ANKRD11: variants seen among roughly 807,000 people sequenced by gnomAD.
The protein encoded by ANKRD11 is ankyrin repeat domain 11.
Under a neutral mutation model 195.7 loss-of-function variants are expected in ANKRD11, and 17 were observed. The observed-to-expected ratio is 0.09, with a 90% confidence interval of 0.06 to 0.13. The LOEUF is 0.13. Ranked by LOEUF, ANKRD11 falls within the 10% of genes least tolerant of loss-of-function variation. The pLI, the probability that ANKRD11 is intolerant of heterozygous loss-of-function variation, is 1.00. For synonymous variants in ANKRD11, 1,953 were observed against 1,528.1 expected (o/e 1.28, Z -6.49); for missense variants, 3,735 against 3,566.1 (o/e 1.05, Z -1.21).
chr16:89,477,242 G>A (rs1208472694), intron 1 of ANKRD11, among the ~76,000 whole-genome samples: 1 of 151,378 alleles, frequency 6.6e-6, no homozygotes, highest in Admixed American at 6.6e-5. Flanking sequence ...GCCCAAGCTG[G>A]AGTGCAGTGG....
chr16:89,450,250 A>C (rs1209351964), intron 1 of ANKRD11, among the ~76,000 whole-genome samples: 1 of 152,174 alleles, frequency 6.6e-6, no homozygotes, highest in African/African-American at 2.4e-5. Flanking sequence ...GTCTGAAAAT[A>C]TGCCATCAAT....
intron 2 of ANKRD11, among the ~76,000 whole-genome samples, chr16:89,375,372 T>C (rs535608575): frequency 2.0e-5 from 3 of 152,312 alleles, no homozygotes; most frequent in African/African-American, 4.8e-5. Flanking sequence ...ATGGATCGTT[T>C]GAGCCCGGGA....
At position 89,275,080 on chromosome 16, in the gene ANKRD11, C is replaced by G. The variant is rs780818897; in HGVS notation, c.7569+13G>C. 5.6e-6 allele frequency: 9 copies of G among 1,612,660 alleles called. No homozygotes were observed. In the Admixed American group the frequency reaches 1.5e-4, roughly 27 times the overall value. On this transcript the variant is annotated intron_variant, in intron 10 of 12. Coordinates refer to ENST00000301030, the MANE Select transcript of ANKRD11 (RefSeq NM_013275.6). ...TGGCCGTGGCGCCCCCCTGCCTGTG[C>G]CAGCCCACTTACCCGCTCGATGCTG...
At chr16:89,331,985 C>A (rs1402138312) in intron 2 of ANKRD11, among the ~76,000 whole-genome samples, 5 of 151,764 alleles carry the variant, frequency 3.3e-5, no homozygotes, top group African/African-American at 7.3e-5. Flanking sequence ...ACAAAACATT[C>A]AAAAAAAATT....
chr16:89,468,842 T>C (rs1229682412), intron 1 of ANKRD11, among the ~76,000 whole-genome samples: 2 of 152,214 alleles, frequency 1.3e-5, no homozygotes, highest in East Asian at 3.8e-4. Flanking sequence ...TGCCAGCCAA[T>C]GTATCCTACA....
At chr16:89,448,908 C>T (rs180766232) in intron 1 of ANKRD11, among the ~76,000 whole-genome samples, 4 of 152,144 alleles carry the variant, frequency 2.6e-5, no homozygotes, top group African/African-American at 9.7e-5. Context: ...AGCAGTGCCC[C>T]GGACCTGGCA....
chr16:89,448,154 C>G (rs371570930), intron 1 of ANKRD11, among the ~76,000 whole-genome samples: 2 of 151,610 alleles, frequency 1.3e-5, no homozygotes, highest in South Asian at 2.1e-4. Context: ...CTTGCAGACA[C>G]TGGGCACCTT....
At position 89,283,248 on chromosome 16, in the gene ANKRD11, G is replaced by C; in HGVS notation, c.3294C>G (p.Asp1098Glu). ...EKAFPGIISE[D>E]FSEKKDDKKG... ...TCTTGTCATCTTTTTTTTCAGAGAAGTCTTCTGAGATGATCCCAGGGAAAG... is the reference window on the plus strand; with the variant it reads ...TCTTGTCATCTTTTTTTTCAGAGAACTCTTCTGAGATGATCCCAGGGAAAG... The change falls in exon 9 of 13, where the codon GAC becomes GAG. Residue 1098 changes from aspartate (D) to glutamate (E), a missense_variant. Asp to Glu is a conservative substitution (Grantham distance 45, BLOSUM62 2). Coordinates refer to ENST00000301030, the MANE Select transcript of ANKRD11 (RefSeq NM_013275.6). The surrounding 1 kb of genome is among the most constrained non-coding windows in gnomAD (Gnocchi z 4.3). 1 of 1,614,114 alleles carries C rather than the reference G, an allele frequency of 6.2e-7. No individual in the cohort carries two copies. Among genetic ancestry groups the C allele is most frequent in the South Asian group, 1.1e-5 (1 of 91,076 alleles).
At chr16:89,380,237 C>T (rs536219572) in intron 2 of ANKRD11, among the ~76,000 whole-genome samples, 5 of 152,236 alleles carry the variant, frequency 3.3e-5, no homozygotes, top group African/African-American at 9.6e-5. Context: ...CTCTGCCCCC[C>T]GAGTAGTTGG....
chr16:89,270,774 G>C, intron 12 of ANKRD11, 43 bp downstream of exon 12: 2 of 1,598,474 alleles, frequency 1.3e-6, no homozygotes, highest in Non-Finnish European at 1.7e-6. Context: ...GAACTGGGCA[G>C]CAGCCTCCCC....
At chr16:89,292,154 C>T (rs1417268503) in intron 4 of ANKRD11, among the ~76,000 whole-genome samples, 1 of 152,152 alleles carries the variant, frequency 6.6e-6, no homozygotes, top group Non-Finnish European at 1.5e-5. Flanking sequence ...TCTGCCAAGG[C>T]CTGACTCGGG....
chr16:89,280,769 G>C lies in ANKRD11; in HGVS notation c.5773C>G (p.Pro1925Ala). 1.2e-6 allele frequency: 2 copies of C among 1,612,184 alleles called. No homozygotes were observed. Among genetic ancestry groups the C allele is most frequent in the Non-Finnish European group, 1.7e-6 (2 of 1,178,782 alleles). The change falls in exon 9 of 13, where the codon CCC becomes GCC. Residue 1925 changes from proline to alanine, a missense_variant. By Grantham distance (27) the Pro-to-Ala change is conservative. Coordinates refer to ENST00000301030, the MANE Select transcript of ANKRD11 (RefSeq NM_013275.6). ...EDQQATAAIIPPEPSYLEPLD... is the reference protein window; with the variant it reads ...EDQQATAAIIAPEPSYLEPLD... ...GGCTCCAGGTAGCTGGGCTCCGGGG[G>C]GATGATGGCGGCCGTCGCCTGCTGG... is the stretch of plus-strand genomic sequence containing the variant.
intron 1 of ANKRD11, among the ~76,000 whole-genome samples, chr16:89,465,634 C>T (rs1017457304): frequency 2.6e-5 from 4 of 152,224 alleles, no homozygotes; most frequent in African/African-American, 4.8e-5. Flanking sequence ...ACACGACTCC[C>T]ATGTACTCCT....
chr16:89,301,238 G>A (rs2035837229), intron 4 of ANKRD11: 1 of 404,848 alleles, frequency 2.5e-6, no homozygotes, highest in Admixed American at 4.4e-5. Flanking sequence ...CTGGAAGGGT[G>A]AAGGGTGTGA....
rs748736120 is a variant in ANKRD11, at chr16:89,281,354, C to T, written c.5188G>A (p.Asp1730Asn). 2.5e-6 allele frequency: 4 copies of T among 1,611,352 alleles called. No individual in the cohort carries two copies. Among genetic ancestry groups the T allele is most frequent in the African/African-American group, 1.3e-5 (1 of 74,846 alleles). ...HTPRTPSCSA[D>N]DYADLVFDCA... Reference sequence around the variant, plus strand: ...TCGAACACGAGGTCCGCGTAGTCATCGGCGCTGCAGGACGGGGTCCTGGGC... The same window carrying T: ...TCGAACACGAGGTCCGCGTAGTCATTGGCGCTGCAGGACGGGGTCCTGGGC... Residue 1730 changes from aspartate to asparagine, a missense_variant, in exon 9 of 13, where the codon GAT (aspartate) becomes AAT (asparagine). Transcript: ENST00000301030. The surrounding 1 kb of genome is among the most constrained non-coding windows in gnomAD (Gnocchi z 5.5).
At chr16:89,335,616 G>A (rs768416020) in intron 2 of ANKRD11, among the ~76,000 whole-genome samples, 3 of 152,036 alleles carry the variant, frequency 2.0e-5, no homozygotes, top group Non-Finnish European at 4.4e-5. Context: ...GGTTTGCAAA[G>A]CCCCGTCACA....
chr16:89,338,334 G>A (rs997975596), intron 2 of ANKRD11, among the ~76,000 whole-genome samples: 24 of 151,882 alleles, frequency 1.6e-4, no homozygotes, highest in Admixed American at 2.6e-4. Flanking sequence ...CTGCTTACAG[G>A]GGTGCTGACA....
intron 2 of ANKRD11, among the ~76,000 whole-genome samples, chr16:89,353,065 C>A (rs970554463): frequency 6.6e-6 from 1 of 152,204 alleles, no homozygotes; most frequent in Non-Finnish European, 1.5e-5. Flanking sequence ...TAGGGCTGGG[C>A]GCGGTGGCTC....
intron 1 of ANKRD11, among the ~76,000 whole-genome samples, chr16:89,470,878 A>G (rs974512294): frequency 6.6e-6 from 1 of 152,194 alleles, no homozygotes; most frequent in African/African-American, 2.4e-5. Flanking sequence ...TTGTAGTCCC[A>G]GTTACTCGGG....
Sources: gnomAD v4.1 joint callset for allele counts (sites outside exome capture counted in the v4.1 genomes callset) on GRCh38, gnomAD v4.1.1 for gene constraint, Gnocchi (gnomAD v3.1) non-coding constraint, MANE v1.5 for transcripts, NCBI Gene and HGNC (gene_info 2026-07-23, HGNC 2026-07-21) for gene names.